The following PALM2AKAP2 variants were observed in gnomAD, a reference collection of about 807,000 sequenced individuals.
PALM2AKAP2 encodes the protein PALM2-AKAP2 fusion protein.
PALM2AKAP2 carries 37 observed loss-of-function variants against 71.5 expected under a neutral mutation model. The observed-to-expected ratio is 0.52, with a 90% CI of 0.40 to 0.68. PALM2AKAP2 has a LOEUF of 0.68. Ranked by LOEUF, PALM2AKAP2 falls within the 30% of genes least tolerant of loss-of-function variation. The probability of loss-of-function intolerance (pLI) is 0.00; values close to 1 mark genes in which losing one functional copy is unlikely to be tolerated. For missense variants in PALM2AKAP2, 1,224 were observed against 1,191.8 expected, an observed-to-expected ratio of 1.03 and a Z score of -0.40; for synonymous variants, 468 against 478.8, an observed-to-expected ratio of 0.98 and a Z score of 0.29.
intron 2 of PALM2AKAP2, among the ~76,000 whole-genome samples, chr9:110,149,979 C>A (rs1463904187): frequency 1.3e-5 from 2 of 152,162 alleles, no homozygotes; most frequent in Admixed American, 6.5e-5. Context: ...AATTGAGACC[C>A]CTGTCCCGCA....
At chr9:109,698,272 ATTTTTTTT>A (rs774359983) in intron 1 of PALM2AKAP2, among the ~76,000 whole-genome samples, 4 of 118,568 alleles carry the variant, frequency 3.4e-5, no homozygotes, top group Non-Finnish European at 5.2e-5. Flanking sequence ...TGTGTGCTAC[ATTTTTTTT>A]TTTTTTTTTT....
At chr9:110,007,192 G>A (rs1477605491) in intron 6 of PALM2AKAP2, among the ~76,000 whole-genome samples, 1 of 152,186 alleles carries the variant, frequency 6.6e-6, no homozygotes, top group African/African-American at 2.4e-5. Flanking sequence ...ATTGCAGAGA[G>A]GTCAAACTGA....
At chr9:109,679,160 G>A (rs1384227822) in intron 1 of PALM2AKAP2, among the ~76,000 whole-genome samples, 1 of 152,172 alleles carries the variant, frequency 6.6e-6, no homozygotes, top group African/African-American at 2.4e-5. Context: ...CCAGGCTGTG[G>A]CTGTGCTTCC....
chr9:109,728,199 T>C (rs138037389), intron 1 of PALM2AKAP2, among the ~76,000 whole-genome samples: 8 of 152,372 alleles, frequency 5.3e-5, no homozygotes, highest in African/African-American at 1.9e-4. Flanking sequence ...ACAGTCCTTA[T>C]TGTTATTAGG....
At chr9:109,684,204 T>TA (rs1827776938) in intron 1 of PALM2AKAP2, among the ~76,000 whole-genome samples, 1 of 152,218 alleles carries the variant, frequency 6.6e-6, no homozygotes, top group Admixed American at 6.6e-5. Context: ...CCCTCCTTTC[T>TA]ATCAGTGGGT....
In PALM2AKAP2 at chr9:110,159,301, T is replaced by C. The variant is rs147986522; in HGVS notation, c.2748+2804T>C. ...ACTCTCCACCCTCTAAGCACCTCAG[T>C]GGCTCACACCTACACACCCAGCATC... On this transcript the variant is annotated intron_variant, in intron 3 of 3. Coordinates refer to ENST00000374525, the Ensembl canonical transcript of PALM2AKAP2. 9.6e-3 allele frequency among the ~76,000 whole-genome samples: 1,458 copies of C among 152,288 alleles called. 19 individuals carry two copies. Among genetic ancestry groups the C allele is most frequent in the Middle Eastern group, 0.027 (8 of 292 alleles).
chr9:109,696,329 A>G (rs10759360), intron 1 of PALM2AKAP2, among the ~76,000 whole-genome samples: 55,334 of 152,108 alleles, frequency 0.36, 10,667 homozygotes, highest in African/African-American at 0.49. Flanking sequence ...AAATAGCTTT[A>G]AAACATATTG....
At chr9:109,725,394 C>G (rs1828460606) in intron 1 of PALM2AKAP2, among the ~76,000 whole-genome samples, 1 of 152,070 alleles carries the variant, frequency 6.6e-6, no homozygotes, top group East Asian at 1.9e-4. Context: ...GGAAAAGTGC[C>G]TCACTCGTGT....
chr9:110,055,579 G>A (rs1322276298), intron 1 of PALM2AKAP2, among the ~76,000 whole-genome samples: 1 of 152,130 alleles, frequency 6.6e-6, no homozygotes, highest in Non-Finnish European at 1.5e-5. Context: ...ACCTCCCAGA[G>A]GACCCACCTC....
At chr9:110,160,134 A>G (rs1310828513) in intron 3 of PALM2AKAP2, among the ~76,000 whole-genome samples, 2 of 151,960 alleles carry the variant, frequency 1.3e-5, no homozygotes, top group Non-Finnish European at 1.5e-5. Context: ...GTGAATTAGG[A>G]AAAAAAACCA....
intron 1 of PALM2AKAP2, among the ~76,000 whole-genome samples, chr9:109,839,830 G>A (rs1395985430): frequency 6.6e-6 from 1 of 152,156 alleles, no homozygotes; most frequent in Non-Finnish European, 1.5e-5. Context: ...CCTCTTCAAG[G>A]AGAGCTACAA....
exon 2 of PALM2AKAP2, chr9:110,138,334 T>G (rs754329741): frequency 6.2e-7 from 1 of 1,614,134 alleles, no homozygotes. Context: ...TCCTGGCCAC[T>G]CAAGAATCTG....
chr9:109,702,994 T>G (rs550644346), intron 1 of PALM2AKAP2, among the ~76,000 whole-genome samples: 3 of 152,214 alleles, frequency 2.0e-5, no homozygotes, highest in East Asian at 1.9e-4. Flanking sequence ...AATTTTTGTA[T>G]TTTTAGTAGA....
intron 2 of PALM2AKAP2, among the ~76,000 whole-genome samples, chr9:110,142,469 A>T (rs1361142727): frequency 6.6e-6 from 1 of 152,234 alleles, no homozygotes; most frequent in East Asian, 1.9e-4. Context: ...GGTGAATAAA[A>T]ATGTATAGTC....
chr9:109,645,355 A>G (rs772283402), intron 1 of PALM2AKAP2, among the ~76,000 whole-genome samples: 1 of 152,228 alleles, frequency 6.6e-6, no homozygotes, highest in Non-Finnish European at 1.5e-5. Context: ...CCATGATTCA[A>G]TCATCTCCCA....
intron 4 of PALM2AKAP2, 133 bp from the exon 5 acceptor site, chr9:109,924,928 T>TG: frequency 2.3e-6 from 3 of 1,281,652 alleles, no homozygotes; most frequent in Non-Finnish European, 3.3e-6. Flanking sequence ...AAGAGATCGT[T>TG]GCGTTTCCCC....
chr9:109,992,277 T>C (rs932393848), intron 6 of PALM2AKAP2, among the ~76,000 whole-genome samples: 2 of 152,218 alleles, frequency 1.3e-5, no homozygotes, highest in Non-Finnish European at 2.9e-5. Context: ...TCTCTTCTTA[T>C]TAAGGACTCC....
At chr9:110,168,055 A>G (rs113741777) in intron 3 of PALM2AKAP2, among the ~76,000 whole-genome samples, 24 of 152,342 alleles carry the variant, frequency 1.6e-4, no homozygotes, top group Non-Finnish European at 2.8e-4. Flanking sequence ...ATAAAGTTCA[A>G]TTGGACAGCA....
At chr9:109,668,769 A>G (rs1044311157) in intron 1 of PALM2AKAP2, among the ~76,000 whole-genome samples, 2 of 152,174 alleles carry the variant, frequency 1.3e-5, no homozygotes, top group African/African-American at 4.8e-5. Context: ...TGGAGGGTAT[A>G]CGATGTTATT....
Sources: allele counts gnomAD v4.1 joint callset (sites outside exome capture counted in the v4.1 genomes callset), GRCh38; gene constraint gnomAD v4.1.1; transcripts MANE v1.5; gene names NCBI Gene and HGNC (gene_info 2026-07-23, HGNC 2026-07-21).